The following KNTC1 variants were observed in gnomAD, a reference collection of about 807,000 sequenced individuals.
The protein encoded by KNTC1 is kinetochore associated 1, also known as kinetochore-associated protein 1.
A neutral mutation model predicts 314.4 loss-of-function variants in KNTC1; 253 were observed. The ratio of observed to expected loss-of-function variants is 0.80; its 90% CI spans 0.73 to 0.89. KNTC1 has a LOEUF of 0.89. Ranked by LOEUF, KNTC1 falls within the 40% of genes least tolerant of loss-of-function variation. The pLI, the probability that KNTC1 is intolerant of heterozygous loss-of-function variation, is 0.00. For missense variants in KNTC1, 2,475 were observed against 2,572.9 expected (o/e 0.96, Z 0.82); for synonymous variants, 901 against 901.4 (o/e 1.00, Z 0.01).
chr12:122,539,785 C>CTTTTT, intron 5 of KNTC1, 31 bp downstream of exon 5: 5 of 1,066,862 alleles, frequency 4.7e-6, no homozygotes, highest in Admixed American at 5.8e-5. Flanking sequence ...TTTTGAATGA[C>CTTTTT]TTTTTTTTTT....
chr12:122,538,278 T>G (rs1962005708), intron 3 of KNTC1, 61 bp from the exon 4 acceptor site: 3 of 973,356 alleles, frequency 3.1e-6, no homozygotes. Context: ...ATTTGTATTT[T>G]TTTTGTATTG....
At chr12:122,589,776 ATTT>A (rs375169727) in intron 40 of KNTC1, among the ~76,000 whole-genome samples, 3 of 94,588 alleles carry the variant, frequency 3.2e-5, no homozygotes, top group Non-Finnish European at 5.9e-5. Flanking sequence ...GGGCCCCCCA[ATTT>A]TTTTTTTTTT....
At chr12:122,575,279 C>G (rs1049306430) in intron 27 of KNTC1, among the ~76,000 whole-genome samples, 1 of 152,004 alleles carries the variant, frequency 6.6e-6, no homozygotes, top group African/African-American at 2.4e-5. Flanking sequence ...CAAAAAAAAC[C>G]CAGGGATTGT....
intron 18 of KNTC1, among the ~76,000 whole-genome samples, chr12:122,558,276 G>A (rs937997855): frequency 7.9e-5 from 12 of 151,094 alleles, no homozygotes; most frequent in Non-Finnish European, 1.6e-4. Context: ...GCTATGTGCG[G>A]TGGCTTACTC....
intron 63 of KNTC1, 198 bp downstream of exon 63, chr12:122,624,886 A>G: frequency 1.8e-6 from 1 of 543,762 alleles, no homozygotes; most frequent in South Asian, 1.7e-5. Flanking sequence ...CAGCCCTGCC[A>G]CTGGGCAGCA....
Position 122,582,945 on chromosome 12 carries a change from T to C in KNTC1, c.3223T>C (p.Leu1075=). 6.2e-7 allele frequency: 1 copy of C among 1,612,944 alleles called. No individual in the cohort carries two copies. ...GGAGGCAGAGCTGACCTTGAGAGCC[T>C]TAAAAGATGGGAACATCAAAACAGC... The part of the protein sequence containing the change: ...ELEAELTLRA[L]KDGNIKTALK... The change falls in exon 34 of 64, where the codon TTA becomes CTA. Residue 1075 remains leucine (L), a synonymous_variant. Transcript: ENST00000333479.
chr12:122,547,977 A>G lies in KNTC1; in HGVS notation c.987+8A>G. ...GCTTCAGCTAATAAGAAGGTATTGGAAAATTTTATTTTGTGCTTGCCTATA... is the reference window on the plus strand; with the variant it reads ...GCTTCAGCTAATAAGAAGGTATTGGGAAATTTTATTTTGTGCTTGCCTATA... On this transcript the variant is annotated splice_region_variant and intron_variant, in intron 12 of 63. Coordinates refer to ENST00000333479, the MANE Select transcript of KNTC1 (RefSeq NM_014708.6). 6.5e-7 allele frequency: 1 copy of G among 1,528,732 alleles called. No individual in the cohort carries two copies. Among genetic ancestry groups the G allele is most frequent in the East Asian group, 2.3e-5 (1 of 43,172 alleles). The allele number at this position is 1,528,732 out of a possible 1,614,324, so 94.7% of individuals were successfully genotyped here.
Position 122,602,727 on chromosome 12 carries a change from C to G in KNTC1, c.4812C>G (p.Phe1604Leu). 1 of 1,613,630 alleles carries G rather than the reference C, an allele frequency of 6.2e-7. No homozygotes were observed. ...TATTCTTTGGCACAGCACAGAACTT[C>G]TGGAAAATTCTCTGTATGTGTTCAT... ...HLIFFGTAQN[F>L]WKILSTELSE... Residue 1604 changes from phenylalanine to leucine, a missense_variant, in exon 46 of 64, where the codon TTC becomes TTG. Phe to Leu is a conservative substitution (Grantham distance 22). Transcript: ENST00000333479.
At chr12:122,556,723 A>T (rs953055126) in intron 16 of KNTC1, among the ~76,000 whole-genome samples, 1 of 151,626 alleles carries the variant, frequency 6.6e-6, no homozygotes, top group African/African-American at 2.4e-5. Flanking sequence ...TCAGCCTCCC[A>T]AAGTGCTGGG....
chr12:122,593,143 G>A (rs1240703084), intron 42 of KNTC1: 1 of 176,474 alleles, frequency 5.7e-6, no homozygotes, highest in Non-Finnish European at 1.1e-5. Context: ...CACCTTAAGA[G>A]CTGTAACACT....
chr12:122,623,587 A>T (rs1874669366), intron 62 of KNTC1, among the ~76,000 whole-genome samples: 1 of 152,174 alleles, frequency 6.6e-6, no homozygotes, highest in South Asian at 2.1e-4. Flanking sequence ...CAATTTAGTA[A>T]ATTTTGACAT....
intron 16 of KNTC1, among the ~76,000 whole-genome samples, chr12:122,554,536 T>C (rs1196680224): frequency 6.6e-6 from 1 of 152,176 alleles, no homozygotes; most frequent in Non-Finnish European, 1.5e-5. Context: ...AAACTATTGG[T>C]AACATCTGCT....
chr12:122,575,445 T>G, intron 27 of KNTC1, 98 bp from the exon 28 acceptor site: 1 of 739,988 alleles, frequency 1.4e-6, no homozygotes, highest in Admixed American at 2.2e-5. Context: ...CAAACTACCA[T>G]GTGGTTGATG....
intron 18 of KNTC1, 138 bp from the exon 19 acceptor site, chr12:122,561,783 T>C: frequency 1.6e-6 from 1 of 632,032 alleles, no homozygotes; most frequent in Non-Finnish European, 2.7e-6. Context: ...ACATGTCAGT[T>C]CTTTATAGTT....
intron 60 of KNTC1, 134 bp downstream of exon 60, chr12:122,620,742 A>C: frequency 1.1e-6 from 1 of 899,930 alleles, no homozygotes; most frequent in South Asian, 1.8e-5. Context: ...TGAAGCTTGT[A>C]TGGGGGCTTA....
intron 4 of KNTC1, among the ~76,000 whole-genome samples, chr12:122,538,672 G>A (rs1962045673): frequency 6.6e-6 from 1 of 152,066 alleles, no homozygotes; most frequent in African/African-American, 2.4e-5. Flanking sequence ...ATTTTCCCAG[G>A]GAATGTTTAG....
At chr12:122,615,140 A>C in intron 56 of KNTC1, 54 bp downstream of exon 56, 1 of 1,251,916 alleles carries the variant, frequency 8.0e-7, no homozygotes, top group Non-Finnish European at 1.1e-6. Flanking sequence ...TTTGCACAGC[A>C]TCCCCTAAAC....
At chr12:122,603,365 AT>A in intron 48 of KNTC1, 122 bp downstream of exon 48, 1 of 757,526 alleles carries the variant, frequency 1.3e-6, no homozygotes, top group South Asian at 2.0e-5. Context: ...ACTGTGGTGA[AT>A]GCTGAAACGC....
intron 16 of KNTC1, among the ~76,000 whole-genome samples, chr12:122,557,113 T>C (rs549909249): frequency 6.6e-6 from 1 of 152,266 alleles, no homozygotes; most frequent in African/African-American, 2.4e-5. Context: ...GATGGATATT[T>C]AGATTCCATA....
Sources: allele counts gnomAD v4.1 joint callset (sites outside exome capture counted in the v4.1 genomes callset), GRCh38; gene constraint gnomAD v4.1.1; transcripts MANE v1.5; gene names NCBI Gene and HGNC (gene_info 2026-07-23, HGNC 2026-07-21).